ACYP2: variants seen among roughly 807,000 people sequenced by gnomAD.
ACYP2 encodes the protein acylphosphatase 2.
A neutral mutation model predicts 11.2 loss-of-function variants in ACYP2; 12 were observed. The observed-to-expected ratio is 1.08, with a 90% CI of 0.69 to 1.74. ACYP2 has a LOEUF of 1.74. ACYP2 is among the 40% of genes most tolerant of loss of function. The pLI is 0.00. For missense variants in ACYP2, 134 were observed against 101.9 expected, an observed-to-expected ratio of 1.31 and a Z score of -1.35; for synonymous variants, 43 against 32.2, an observed-to-expected ratio of 1.33 and a Z score of -1.13.
rs960773709 is a variant in ACYP2, at chr2:54,071,634, T to A, written c.277+14274T>A. ...GTGTGCACCACCACACCCAGATAATTTTTTGACAAGACAGGGTTTCACCAT... is the reference window on the plus strand; with the variant it reads ...GTGTGCACCACCACACCCAGATAATATTTTGACAAGACAGGGTTTCACCAT... On this transcript the variant is annotated intron_variant, in intron 4 of 6. Coordinates refer to ENST00000607452, the MANE Select transcript of ACYP2 (RefSeq NM_001320586.2). Among the ~76,000 whole-genome samples, 3 of 152,078 alleles carry A rather than the reference T, an allele frequency of 2.0e-5. 1 individual carries two copies. Among genetic ancestry groups the A allele is most frequent in the Admixed American group, 2.0e-4 (3 of 15,256 alleles).
At chr2:54,157,931 C>A (rs1015750046) in intron 6 of ACYP2, among the ~76,000 whole-genome samples, 5 of 152,208 alleles carry the variant, frequency 3.3e-5, no homozygotes. Flanking sequence ...GATCATCTGC[C>A]TGGTGCAGGC....
At chr2:54,240,526 C>G (rs1445818999) in intron 6 of ACYP2, among the ~76,000 whole-genome samples, 1 of 152,106 alleles carries the variant, frequency 6.6e-6, no homozygotes, top group African/African-American at 2.4e-5. Flanking sequence ...GCTCCTGTAC[C>G]ACCCCTAAAG....
At chr2:53,985,194 C>T (rs888439887) in intron 2 of ACYP2, among the ~76,000 whole-genome samples, 1 of 151,908 alleles carries the variant, frequency 6.6e-6, no homozygotes. Context: ...CTCAGCCTCC[C>T]GAGTAGCTGG....
intron 6 of ACYP2, among the ~76,000 whole-genome samples, chr2:54,183,492 A>T (rs925371189): frequency 6.6e-6 from 1 of 152,004 alleles, no homozygotes; most frequent in Non-Finnish European, 1.5e-5. Context: ...TGATTGCACC[A>T]CTGCACTTCA....
chr2:54,283,797 T>C (rs1386115937), intron 6 of ACYP2, among the ~76,000 whole-genome samples: 1 of 152,254 alleles, frequency 6.6e-6, no homozygotes, highest in East Asian at 1.9e-4. Flanking sequence ...ATGTAGAATG[T>C]AGACACTGAT....
chr2:54,197,840 G>A (rs1342872964), intron 6 of ACYP2, among the ~76,000 whole-genome samples: 12 of 152,158 alleles, frequency 7.9e-5, no homozygotes, highest in African/African-American at 2.2e-4. Flanking sequence ...TTTATTGTGC[G>A]TACTTCTTCC....
chr2:54,068,088 T>C (rs1180129751), intron 4 of ACYP2, among the ~76,000 whole-genome samples: 1 of 152,218 alleles, frequency 6.6e-6, no homozygotes, highest in African/African-American at 2.4e-5. Flanking sequence ...TAGCTTATTC[T>C]TACACTAGAT....
intron 6 of ACYP2, among the ~76,000 whole-genome samples, chr2:54,296,203 A>G (rs1202025142): frequency 2.6e-5 from 4 of 152,202 alleles, no homozygotes; most frequent in Admixed American, 2.6e-4. Flanking sequence ...CCCTTTTCAC[A>G]TAGGGGCAGT....
At chr2:54,100,396 C>A (rs538422881) in intron 4 of ACYP2, among the ~76,000 whole-genome samples, 1 of 150,820 alleles carries the variant, frequency 6.6e-6, no homozygotes, top group African/African-American at 2.4e-5. Context: ...TCAACCTCTG[C>A]GGCCCAAGTG....
intron 4 of ACYP2, among the ~76,000 whole-genome samples, chr2:54,079,263 ACTGTG>A (rs2103662137): frequency 6.6e-6 from 1 of 152,268 alleles, no homozygotes; most frequent in African/African-American, 2.4e-5. Context: ...TTTCACCTTT[ACTGTG>A]TACCAGCCAG....
In ACYP2 at chr2:54,138,725, G is replaced by A. The variant is rs1681419724; in HGVS notation, c.381G>A (p.Gly127=). The A allele has an allele frequency of 6.2e-7, 1 of 1,613,912 alleles. No homozygotes were observed. The highest frequency in any genetic ancestry group is 1.6e-4 in the Middle Eastern group (1 of 6,062). ...GCACCGTGACAGGCCAAGTGCAGGG[G>A]CCAGAAGACAAAGTCAATTCCATGT... The change falls in exon 6 of 7, where the codon GGG becomes GGA. Residue 127 remains glycine, a synonymous_variant. Coordinates refer to ENST00000607452, the MANE Select transcript of ACYP2 (RefSeq NM_001320586.2).
intron 6 of ACYP2, among the ~76,000 whole-genome samples, chr2:54,232,640 T>C (rs1438052365): frequency 6.6e-6 from 1 of 152,052 alleles, no homozygotes; most frequent in Non-Finnish European, 1.5e-5. Context: ...AATTTATAAA[T>C]TAAAGAGGTT....
chr2:54,270,206 T>C (rs1011172399), intron 6 of ACYP2, among the ~76,000 whole-genome samples: 1 of 152,174 alleles, frequency 6.6e-6, no homozygotes, highest in Non-Finnish European at 1.5e-5. Flanking sequence ...TATGTTAAAA[T>C]CACTTTTTCT....
At chr2:54,239,954 A>C (rs996213771) in intron 6 of ACYP2, among the ~76,000 whole-genome samples, 1 of 151,366 alleles carries the variant, frequency 6.6e-6, no homozygotes, top group Non-Finnish European at 1.5e-5. Flanking sequence ...CCCTAAATTT[A>C]AAGTATTTAT....
At chr2:53,980,587 A>G (rs142713441) in intron 2 of ACYP2, among the ~76,000 whole-genome samples, 1 of 152,134 alleles carries the variant, frequency 6.6e-6, no homozygotes, top group African/African-American at 2.4e-5. Context: ...TACCATTTAT[A>G]AATTTAGTGT....
At chr2:54,024,236 C>T (rs1025042630) in intron 2 of ACYP2, among the ~76,000 whole-genome samples, 3 of 151,988 alleles carry the variant, frequency 2.0e-5, no homozygotes, top group Non-Finnish European at 2.9e-5. Context: ...TGTTGTGGCT[C>T]GTGCCTGTAG....
At chr2:54,087,974 G>A (rs954690888) in intron 4 of ACYP2, among the ~76,000 whole-genome samples, 7 of 152,208 alleles carry the variant, frequency 4.6e-5, no homozygotes, top group African/African-American at 1.7e-4. Context: ...TTTTGGAGGA[G>A]GAGTTCTTCA....
Position 54,094,519 on chromosome 2 carries a change from ATGCCCGGCCC to A in ACYP2, c.277+37160_277+37169del, listed in dbSNP as rs1431568623. Among the ~76,000 whole-genome samples the A allele has an allele frequency of 1.1e-4, 16 of 151,592 alleles. No homozygotes were observed. In the South Asian group the frequency reaches 3.1e-3, roughly 30 times the overall value. On this transcript the variant is annotated intron_variant, in intron 4 of 6. Transcript: ENST00000607452. ...GCTGGGATTACAGGTGTGAGCCACC[ATGCCCGGCCC>A]AGTTGTGTGTGTGTGTGTGTGTGTT...
Position 54,185,620 on chromosome 2 carries a change from T to G in ACYP2, c.404+46872T>G, listed in dbSNP as rs546361367. Among the ~76,000 whole-genome samples the G allele has an allele frequency of 2.6e-5, 4 of 152,250 alleles. 1 individual carries two copies. The highest frequency in any genetic ancestry group is 9.6e-5 in the African/African-American group (4 of 41,550). ...TTAGCAGTCTAATTTAATACAGATA[T>G]TGGCCAGTTAGGTTAATGAAATAGA... On this transcript the variant is annotated intron_variant, in intron 6 of 6. Transcript: ENST00000607452.
Sources: allele counts gnomAD v4.1 joint callset (sites outside exome capture counted in the v4.1 genomes callset), GRCh38; gene constraint gnomAD v4.1.1; transcripts MANE v1.5; gene names NCBI Gene and HGNC (gene_info 2026-07-23, HGNC 2026-07-21).